Variants in TAGLN2 observed in about 807,000 individuals in gnomAD.
TAGLN2 encodes transgelin-2.
In TAGLN2, 14 loss-of-function variants were observed where a neutral mutation model predicts 24.9. The observed-to-expected ratio is 0.56, with a 90% CI of 0.37 to 0.88. The LOEUF is 0.88. TAGLN2 is among the 40% of genes least tolerant of loss of function. The pLI is 0.00. For missense variants in TAGLN2, 208 were observed against 258.9 expected (o/e 0.80, Z 1.35); for synonymous variants, 77 against 98.2 (o/e 0.78, Z 1.28).
At chr1:159,920,811 C>G (rs1030257457) in intron 1 of TAGLN2, among the ~76,000 whole-genome samples, 1 of 152,112 alleles carries the variant, frequency 6.6e-6, no homozygotes, top group Non-Finnish European at 1.5e-5. Context: ...TTTTAACCAT[C>G]TAGGTTGGTG....
chr1:159,923,639 C>G, intron 1 of TAGLN2: 1 of 576,444 alleles, frequency 1.7e-6, no homozygotes, highest in Non-Finnish European at 2.8e-6. Context: ...GCCCACAGAG[C>G]GAGGTGCCAC....
At chr1:159,919,882 T>A (rs770099742) in intron 2 of TAGLN2, 47 bp from the exon 3 acceptor site, 3 of 1,598,330 alleles carry the variant, frequency 1.9e-6, no homozygotes, top group Non-Finnish European at 2.6e-6. Context: ...TGCCTACCTA[T>A]CGCAGCTCAG....
chr1:159,919,628 G>A (rs776691870), intron 3 of TAGLN2, 33 bp downstream of exon 3: 2 of 1,605,094 alleles, frequency 1.2e-6, no homozygotes, highest in South Asian at 1.1e-5. Context: ...TGGCCTCCTG[G>A]ATGACAGGAC....
chr1:159,921,470 T>C (rs1650530493), intron 1 of TAGLN2, among the ~76,000 whole-genome samples: 1 of 65,220 alleles, frequency 1.5e-5, no homozygotes, highest in African/African-American at 4.2e-5. Flanking sequence ...GGGAAGGAAA[T>C]AGATTCACCC....
chr1:159,920,317 G>A lies in TAGLN2; in HGVS notation c.180+13C>T, dbSNP rs1650487669. On this transcript the variant is annotated intron_variant, in intron 2 of 4. Coordinates refer to ENST00000368097, the MANE Select transcript of TAGLN2 (RefSeq NM_003564.3). The stretch of plus-strand genomic sequence containing the variant: ...CTCCCTGCACTTCCAAGCCAGTGGG[G>A]CCCGGCTCTCACCGTGCCATCCTTG... The A allele has an allele frequency of 6.2e-7, 1 of 1,614,180 alleles. No homozygotes were observed.
intron 4 of TAGLN2, 77 bp from the exon 5 acceptor site, chr1:159,919,018 C>T: frequency 1.9e-6 from 3 of 1,583,332 alleles, no homozygotes; most frequent in East Asian, 2.2e-5. Context: ...AGAGCACAGG[C>T]TTTGCTGTTG....
At position 159,922,224 on chromosome 1, in the gene TAGLN2, T is replaced by TG. The variant is rs535467850; in HGVS notation, c.-28-1688dup. 4.9e-3 allele frequency among the ~76,000 whole-genome samples: 746 copies of TG among 152,342 alleles called. 4 individuals carry two copies. Among genetic ancestry groups the TG allele is most frequent in the Admixed American group, 0.01 (159 of 15,308 alleles). On this transcript the variant is annotated intron_variant, in intron 1 of 4. Coordinates refer to ENST00000368097, the MANE Select transcript of TAGLN2 (RefSeq NM_003564.3). ...CCTCTCGGCCGCAGAGGCTGTGTCT[T>TG]GGGCCAGTCCCTCCCGTCCCGACTC...
intron 1 of TAGLN2, chr1:159,924,547 G>C (rs1424320977): frequency 6.6e-6 from 1 of 152,342 alleles, no homozygotes; most frequent in Non-Finnish European, 1.5e-5. Flanking sequence ...GGGCGCGGGG[G>C]GAGGCGGCAG....
At chr1:159,922,835 C>A (rs1410126185) in intron 1 of TAGLN2, among the ~76,000 whole-genome samples, 1 of 152,246 alleles carries the variant, frequency 6.6e-6, no homozygotes, top group Non-Finnish European at 1.5e-5. Context: ...CAAACTTGGC[C>A]TCCCAGACCC....
chr1:159,922,833 G>C (rs1650578609), intron 1 of TAGLN2, among the ~76,000 whole-genome samples: 1 of 152,176 alleles, frequency 6.6e-6, no homozygotes, highest in African/African-American at 2.4e-5. Context: ...GACAAACTTG[G>C]CCTCCCAGAC....
chr1:159,923,466 G>A (rs1385318054), intron 1 of TAGLN2: 19 of 1,550,206 alleles, frequency 1.2e-5, no homozygotes, highest in Non-Finnish European at 1.6e-5. Flanking sequence ...AGAAAAGGCG[G>A]ACATGGGTGG....
intron 1 of TAGLN2, among the ~76,000 whole-genome samples, chr1:159,923,194 GGGTGAGA>G (rs1650591764): frequency 6.6e-6 from 1 of 152,242 alleles, no homozygotes; most frequent in South Asian, 2.1e-4. Flanking sequence ...TTGCCTACCA[GGGTGAGA>G]AGAGATATGC....
At chr1:159,918,985 C>G in intron 4 of TAGLN2, 44 bp from the exon 5 acceptor site, 1 of 1,610,084 alleles carries the variant, frequency 6.2e-7, no homozygotes, top group South Asian at 1.1e-5. Flanking sequence ...CACAGGCTGC[C>G]CTAGTAAATC....
intron 1 of TAGLN2, 148 bp from the exon 2 acceptor site, chr1:159,920,685 T>C (rs1456899549): frequency 2.9e-6 from 4 of 1,396,332 alleles, no homozygotes; most frequent in Non-Finnish European, 1.9e-6. Context: ...AATGCAACCC[T>C]GCTCTTTATA....
chr1:159,920,286 C>G, intron 2 of TAGLN2, 44 bp downstream of exon 2: 1 of 1,614,046 alleles, frequency 6.2e-7, no homozygotes, highest in Non-Finnish European at 8.5e-7. Flanking sequence ...TGGACCCAGT[C>G]CTGCTCTCCC....
chr1:159,919,215 C>A (rs1451524274), intron 4 of TAGLN2, 59 bp downstream of exon 4: 11 of 1,518,418 alleles, frequency 7.2e-6, no homozygotes, highest in South Asian at 1.1e-5. Context: ...TTCCTAGGGA[C>A]AGGATTGGGC....
intron 3 of TAGLN2, 118 bp from the exon 4 acceptor site, chr1:159,919,494 C>T (rs1650452363): frequency 2.3e-6 from 3 of 1,330,014 alleles, no homozygotes; most frequent in East Asian, 2.4e-5. Flanking sequence ...CATTTCCATA[C>T]CCTTCTCCAT....
At chr1:159,923,695 C>T (rs1650609062) in intron 1 of TAGLN2, 8 of 429,602 alleles carry the variant, frequency 1.9e-5, no homozygotes, top group African/African-American at 4.2e-5. Context: ...AGGGAACCAC[C>T]GTAGGGCAGC....
chr1:159,919,727 G>T lies in TAGLN2; in HGVS notation c.289C>A (p.Leu97Met). The change falls in exon 3 of 5, where the codon CTG (leucine) becomes ATG (methionine). Residue 97 changes from leucine (L) to methionine (M), a missense_variant. Coordinates refer to ENST00000368097, the MANE Select transcript of TAGLN2 (RefSeq NM_003564.3). Reference sequence around the variant, plus strand: ...ATGCCATAGCGCTCAGCTGCTTGCAGGAACTGAGAGATCTGCTCCATCTGC... The same window carrying T: ...ATGCCATAGCGCTCAGCTGCTTGCATGAACTGAGAGATCTGCTCCATCTGC... ...FKQMEQISQF[L>M]QAAERYGINT... 1 of 1,613,902 alleles carries T rather than the reference G, an allele frequency of 6.2e-7. No individual in the cohort carries two copies. The highest frequency in any genetic ancestry group is 8.5e-7 in the Non-Finnish European group (1 of 1,179,934).
Sources: allele counts gnomAD v4.1 joint callset (sites outside exome capture counted in the v4.1 genomes callset), GRCh38; gene constraint gnomAD v4.1.1; transcripts MANE v1.5; gene names NCBI Gene and HGNC (gene_info 2026-07-23, HGNC 2026-07-21).